NXPH1: variants seen among roughly 807,000 people sequenced by gnomAD.
NXPH1 encodes neurexophilin 1, also known as neurexophilin-1.
Under a neutral mutation model 23.7 loss-of-function variants are expected in NXPH1, and 5 were observed. The observed-to-expected ratio is 0.21, with a 90% CI of 0.11 to 0.44. The LOEUF is 0.44. Ranked by LOEUF, NXPH1 falls within the 20% of genes least tolerant of loss-of-function variation. The pLI is 0.99. For synonymous variants in NXPH1, 144 were observed against 122.2 expected, an observed-to-expected ratio of 1.18 and a Z score of -1.18; for missense variants, 324 against 321.6, an observed-to-expected ratio of 1.01 and a Z score of -0.06.
At chr7:8,628,874 T>C (rs1820060148) in intron 2 of NXPH1, among the ~76,000 whole-genome samples, 1 of 151,670 alleles carries the variant, frequency 6.6e-6, no homozygotes, top group Admixed American at 6.6e-5. Flanking sequence ...GCATTTTCCC[T>C]TGAAGCCAGA....
chr7:8,587,622 A>C (rs2349491), intron 2 of NXPH1, among the ~76,000 whole-genome samples: 59,544 of 151,842 alleles, frequency 0.39, 14,783 homozygotes, highest in African/African-American at 0.71. Context: ...TCTCCTAATG[A>C]TATCCCTCCC....
At chr7:8,590,989 T>A (rs1446239757) in intron 2 of NXPH1, among the ~76,000 whole-genome samples, 2 of 152,094 alleles carry the variant, frequency 1.3e-5, no homozygotes, top group Non-Finnish European at 2.9e-5. Context: ...CACAATAGCA[T>A]GCCAGAAGCT....
rs570857887 is a variant in NXPH1, at chr7:8,435,908, G to A, written c.54+141G>A. ...AGCTGTGTTGGAGCAACTTTGGCAA[G>A]CTGGTCTCTGGATTCCTGCGGATTT... On this transcript the variant is annotated intron_variant, in intron 2 of 2. Coordinates refer to ENST00000405863, the MANE Select transcript of NXPH1 (RefSeq NM_152745.3). This position sits in a 1 kb window ranked among gnomAD's most constrained non-coding sequence, Gnocchi z 5.9. 4 of 805,756 alleles carry A rather than the reference G, an allele frequency of 5.0e-6. No homozygotes were observed. In the African/African-American group the frequency reaches 6.7e-5, roughly 14 times the overall value. The allele number at this position is 805,756 out of a possible 1,614,324, so 49.9% of individuals were successfully genotyped here. A position where few individuals can be genotyped will look rare whatever the true frequency, so the allele number is the denominator to read the frequency against.
At chr7:8,641,415 C>T (rs1820309043) in intron 2 of NXPH1, among the ~76,000 whole-genome samples, 1 of 152,010 alleles carries the variant, frequency 6.6e-6, no homozygotes, top group South Asian at 2.1e-4. Flanking sequence ...GGGAGTATTT[C>T]TACTACAGAA....
intron 2 of NXPH1, among the ~76,000 whole-genome samples, chr7:8,701,693 A>C (rs1779625372): frequency 6.6e-6 from 1 of 152,058 alleles, no homozygotes; most frequent in South Asian, 2.1e-4. Flanking sequence ...TAGAAGTTGG[A>C]GCTCTTCCCC....
chr7:8,632,540 C>T (rs1417261641), intron 2 of NXPH1, among the ~76,000 whole-genome samples: 1 of 152,088 alleles, frequency 6.6e-6, no homozygotes, highest in East Asian at 1.9e-4. Context: ...ATATGCTTAG[C>T]GGCTAGTCTT....
At chr7:8,545,461 A>G (rs1242611676) in intron 2 of NXPH1, among the ~76,000 whole-genome samples, 1 of 151,598 alleles carries the variant, frequency 6.6e-6, no homozygotes, top group African/African-American at 2.4e-5. Flanking sequence ...TAATCAGGAA[A>G]TACTGTCCTC....
intron 2 of NXPH1, among the ~76,000 whole-genome samples, chr7:8,473,151 G>T (rs1816896644): frequency 6.6e-6 from 1 of 152,158 alleles, no homozygotes; most frequent in Admixed American, 6.5e-5. Context: ...CGTATCTGAA[G>T]TTTTCAGGGA....
At chr7:8,659,595 G>T (rs956180237) in intron 2 of NXPH1, among the ~76,000 whole-genome samples, 3 of 152,124 alleles carry the variant, frequency 2.0e-5, no homozygotes, top group African/African-American at 7.2e-5. Flanking sequence ...GGTGGGGGCA[G>T]TGGGGAGGGA....
rs118046196 is a variant in NXPH1, at chr7:8,448,446, A to G, written c.54+12679A>G. Among the ~76,000 whole-genome samples the G allele has an allele frequency of 2.4e-4, 36 of 152,346 alleles. 1 individual carries two copies. The East Asian group carries it at 6.8e-3, about 29-fold the overall frequency. On this transcript the variant is annotated intron_variant, in intron 2 of 2. Coordinates refer to ENST00000405863, the MANE Select transcript of NXPH1 (RefSeq NM_152745.3). Reference sequence around the variant, plus strand: ...TCCTTCTTTCAGCTAGTTGATAGCTATATAGTTGCTCAGTGCTGCCCAGAA... The same window carrying G: ...TCCTTCTTTCAGCTAGTTGATAGCTGTATAGTTGCTCAGTGCTGCCCAGAA...
chr7:8,503,477 C>T (rs1407296917), intron 2 of NXPH1, among the ~76,000 whole-genome samples: 1 of 152,020 alleles, frequency 6.6e-6, no homozygotes, highest in Admixed American at 6.6e-5. Context: ...TTGACTCTTA[C>T]ATTTACAGAC....
At chr7:8,634,776 TCTTA>T (rs1820193494) in intron 2 of NXPH1, among the ~76,000 whole-genome samples, 1 of 151,516 alleles carries the variant, frequency 6.6e-6, no homozygotes, top group Non-Finnish European at 1.5e-5. Flanking sequence ...ATATCTATCT[TCTTA>T]CTTAATAGGA....
Position 8,524,531 on chromosome 7 carries a change from C to T in NXPH1, c.54+88764C>T, listed in dbSNP as rs143044118. ...GCATGGATTGTTCCTCTCTCCTTTG[C>T]CCAATTAAGGGGACTTTTGTTTAAA... On this transcript the variant is annotated intron_variant, in intron 2 of 2. Coordinates refer to ENST00000405863, the MANE Select transcript of NXPH1 (RefSeq NM_152745.3). Among the ~76,000 whole-genome samples, 626 of 152,212 alleles carry T rather than the reference C, an allele frequency of 4.1e-3. 7 individuals are homozygous for T. The highest frequency in any genetic ancestry group is 0.014 in the African/African-American group (582 of 41,534).
intron 2 of NXPH1, among the ~76,000 whole-genome samples, chr7:8,658,235 A>G (rs1820612620): frequency 6.6e-6 from 1 of 152,210 alleles, no homozygotes; most frequent in Non-Finnish European, 1.5e-5. Flanking sequence ...ATATATTAAT[A>G]CACTCTCTCA....
intron 2 of NXPH1, among the ~76,000 whole-genome samples, chr7:8,691,447 C>T (rs1554265898): frequency 6.6e-6 from 1 of 152,128 alleles, no homozygotes. Flanking sequence ...TTGTATCCTG[C>T]CCTTTCTAGA....
intron 2 of NXPH1, among the ~76,000 whole-genome samples, chr7:8,479,591 C>T (rs930936180): frequency 6.6e-6 from 1 of 152,092 alleles, no homozygotes; most frequent in East Asian, 1.9e-4. Flanking sequence ...GCATCCAGAT[C>T]GTGGTGGCTT....
intron 2 of NXPH1, among the ~76,000 whole-genome samples, chr7:8,436,331 C>T (rs1328956419): frequency 6.6e-6 from 1 of 152,206 alleles, no homozygotes; most frequent in African/African-American, 2.4e-5. Context: ...GACAGAGATA[C>T]TCCAGCAAAC....
At chr7:8,608,611 T>C (rs1295873553) in intron 2 of NXPH1, among the ~76,000 whole-genome samples, 1 of 152,160 alleles carries the variant, frequency 6.6e-6, no homozygotes, top group Non-Finnish European at 1.5e-5. Flanking sequence ...GCCCTTTCTG[T>C]ATTTTTTTAA....
intron 2 of NXPH1, among the ~76,000 whole-genome samples, chr7:8,476,487 C>G (rs552479570): frequency 6.6e-6 from 1 of 151,626 alleles, no homozygotes; most frequent in South Asian, 2.1e-4. Context: ...TAACATTACT[C>G]AAACCTTAGC....
Sources: gnomAD v4.1 joint callset for allele counts (sites outside exome capture counted in the v4.1 genomes callset) on GRCh38, gnomAD v4.1.1 for gene constraint, Gnocchi (gnomAD v3.1) non-coding constraint, MANE v1.5 for transcripts, NCBI Gene and HGNC (gene_info 2026-07-23, HGNC 2026-07-21) for gene names.